LRRC63: variants seen among roughly 807,000 people sequenced by gnomAD.
LRRC63 encodes the protein leucine-rich repeat-containing protein 63.
A neutral mutation model predicts 49.5 loss-of-function variants in LRRC63; 40 were observed. That is an observed-to-expected ratio of 0.81 (90% CI 0.63 to 1.05). LRRC63 has a LOEUF of 1.05. LRRC63 is among the 50% of genes least tolerant of loss of function. The pLI is 0.00. For synonymous variants in LRRC63, 191 were observed against 221.1 expected (o/e 0.86, Z 1.21); for missense variants, 636 against 663.1 (o/e 0.96, Z 0.45).
intron 9 of LRRC63, among the ~76,000 whole-genome samples, chr13:46,274,005 GT>G (rs1029120377): frequency 1.1e-4 from 16 of 151,978 alleles, no homozygotes; most frequent in Admixed American, 5.2e-4. Flanking sequence ...TGCATTGGAA[GT>G]TTTTTTCTTC....
At chr13:46,275,229 C>T (rs1432530868) in intron 9 of LRRC63, among the ~76,000 whole-genome samples, 1 of 152,164 alleles carries the variant, frequency 6.6e-6, no homozygotes, top group Non-Finnish European at 1.5e-5. Flanking sequence ...TGTTGATAAA[C>T]ATTTAGGTCA....
intron 9 of LRRC63, among the ~76,000 whole-genome samples, chr13:46,274,234 C>T (rs2047800336): frequency 6.6e-6 from 1 of 151,910 alleles, no homozygotes; most frequent in South Asian, 2.1e-4. Flanking sequence ...GTATGTGAGC[C>T]GAGTGAGAGA....
intron 7 of LRRC63, among the ~76,000 whole-genome samples, chr13:46,260,990 C>T (rs2047605212): frequency 6.6e-6 from 1 of 152,186 alleles, no homozygotes; most frequent in African/African-American, 2.4e-5. Context: ...ACAGCACATA[C>T]AGAGAAGGGG....
intron 2 of LRRC63, among the ~76,000 whole-genome samples, chr13:46,223,037 A>T (rs1179270354): frequency 2.4e-5 from 3 of 127,320 alleles, no homozygotes; most frequent in Non-Finnish European, 4.7e-5. Flanking sequence ...CAGGAAGGGG[A>T]ACATCACACT....
At chr13:46,266,950 G>C (rs1045285160) in exon 9 of LRRC63, 4 of 1,536,430 alleles carry the variant, frequency 2.6e-6, no homozygotes, top group Non-Finnish European at 3.5e-6. Context: ...GATCCCAGTA[G>C]AAGTTCAGAA....
chr13:46,240,867 A>G (rs2138474730), intron 5 of LRRC63, among the ~76,000 whole-genome samples: 1 of 152,354 alleles, frequency 6.6e-6, no homozygotes, highest in South Asian at 2.1e-4. Context: ...GTTCCATGCT[A>G]ATGGATAGGA....
chr13:46,216,252 T>C (rs2046248138), intron 2 of LRRC63, among the ~76,000 whole-genome samples: 1 of 152,246 alleles, frequency 6.6e-6, no homozygotes, highest in Non-Finnish European at 1.5e-5. Flanking sequence ...TCCATGAGCA[T>C]GGAATGTTTT....
intron 3 of LRRC63, 99 bp from the exon 4 acceptor site, chr13:46,228,566 A>G (rs1385338495): frequency 1.4e-6 from 1 of 714,558 alleles, no homozygotes; most frequent in Non-Finnish European, 2.4e-6. Context: ...GGATAATTGG[A>G]ATCCATTAAA....
At chr13:46,217,269 T>G (rs2046277946) in intron 2 of LRRC63, among the ~76,000 whole-genome samples, 2 of 152,248 alleles carry the variant, frequency 1.3e-5, no homozygotes, top group Non-Finnish European at 2.9e-5. Flanking sequence ...GGCTATTAAT[T>G]ACTGCCTCAA....
intron 2 of LRRC63, among the ~76,000 whole-genome samples, chr13:46,217,331 A>C (rs2046279975): frequency 6.6e-6 from 1 of 152,144 alleles, no homozygotes; most frequent in South Asian, 2.1e-4. Context: ...TCCTGGTTTC[A>C]TCTTGGGGAG....
chr13:46,219,020 T>C (rs2046332607), intron 2 of LRRC63, among the ~76,000 whole-genome samples: 1 of 152,234 alleles, frequency 6.6e-6, no homozygotes, highest in East Asian at 1.9e-4. Flanking sequence ...CCTTTCTCTC[T>C]GGCTGCCTTA....
chr13:46,242,863 G>A (rs1382700850), intron 5 of LRRC63, among the ~76,000 whole-genome samples: 1 of 151,598 alleles, frequency 6.6e-6, no homozygotes, highest in Non-Finnish European at 1.5e-5. Flanking sequence ...AATAACAAAA[G>A]ATGAAGGAAT....
chr13:46,234,299 C>G, exon 5 of LRRC63: 1 of 1,550,200 alleles, frequency 6.5e-7, no homozygotes, highest in Non-Finnish European at 8.7e-7. Flanking sequence ...CATGACCAAC[C>G]TGGCCATAGT....
intron 7 of LRRC63, 49 bp from the exon 8 acceptor site, chr13:46,261,860 G>A: frequency 1.8e-6 from 1 of 554,642 alleles, no homozygotes. Flanking sequence ...TTTATTCCCA[G>A]TGGTGATACA....
chr13:46,222,097 C>G (rs1395686053), intron 2 of LRRC63, among the ~76,000 whole-genome samples: 3 of 152,138 alleles, frequency 2.0e-5, no homozygotes, highest in Admixed American at 6.5e-5. Flanking sequence ...TTGTATTTCT[C>G]TAATGATTAG....
chr13:46,267,216 T>C, intron 9 of LRRC63, among the ~76,000 whole-genome samples: 1 of 152,380 alleles, frequency 6.6e-6, no homozygotes, highest in Middle Eastern at 3.4e-3. Flanking sequence ...ATATGAGTTG[T>C]CTCTATGGCT....
At chr13:46,236,863 A>C (rs549246029) in intron 5 of LRRC63, among the ~76,000 whole-genome samples, 3 of 152,202 alleles carry the variant, frequency 2.0e-5, no homozygotes, top group Non-Finnish European at 4.4e-5. Context: ...TTATAAATGT[A>C]TATTAATGGA....
chr13:46,263,186 T>C (rs1045813594), intron 8 of LRRC63, among the ~76,000 whole-genome samples: 1 of 152,124 alleles, frequency 6.6e-6, no homozygotes, highest in African/African-American at 2.4e-5. Context: ...ATTTTATTTT[T>C]AATTTTTAGA....
At chr13:46,268,675 G>A (rs2047713999) in intron 9 of LRRC63, among the ~76,000 whole-genome samples, 1 of 151,528 alleles carries the variant, frequency 6.6e-6, no homozygotes, top group Non-Finnish European at 1.5e-5. Context: ...AACCAAAACA[G>A]AATTTACTCA....
Sources: allele counts gnomAD v4.1 joint callset (sites outside exome capture counted in the v4.1 genomes callset), GRCh38; gene constraint gnomAD v4.1.1; transcripts MANE v1.5; gene names NCBI Gene and HGNC (gene_info 2026-07-23, HGNC 2026-07-21).